NFKBID: variants seen among roughly 807,000 people sequenced by gnomAD.
NFKBID encodes NFKB inhibitor delta, also known as NF-kappa-B inhibitor delta.
A neutral mutation model predicts 53.4 loss-of-function variants in NFKBID; 26 were observed. The observed-to-expected ratio is 0.49, with a 90% CI of 0.36 to 0.68. NFKBID has a LOEUF of 0.68. NFKBID is among the 30% of genes least tolerant of loss of function. The pLI, the probability that NFKBID is intolerant of heterozygous loss-of-function variation, is 0.00. For synonymous variants in NFKBID, 262 were observed against 259.8 expected (o/e 1.01, Z -0.08); for missense variants, 493 against 614.1 (o/e 0.80, Z 2.08).
chr19:35,897,469 C>T (rs1975259795), intron 4 of NFKBID, 182 bp downstream of exon 4: 1 of 643,460 alleles, frequency 1.6e-6, no homozygotes, highest in East Asian at 2.6e-5. Flanking sequence ...GTCTCAAACG[C>T]CTGACCTCAA....
chr19:35,890,440 G>A lies in NFKBID; in HGVS notation c.1083C>T (p.Asn361=), dbSNP rs202034384. The change falls in exon 10 of 12, where the codon AAC becomes AAT. Residue 361 remains asparagine, a synonymous_variant. Transcript: ENST00000641389. ...CCAGCAGCAGCTGAACCAGAGTGGG[G>A]TTGGCAGCCTGCACGGCCAAGTGCA... The A allele has an allele frequency of 4.6e-5, 74 of 1,614,102 alleles. 1 individual carries two copies. The East Asian group carries it at 1.6e-3, about 36-fold the overall frequency.
intron 9 of NFKBID, among the ~76,000 whole-genome samples, chr19:35,895,656 T>C (rs1385419128): frequency 1.3e-5 from 2 of 151,360 alleles, no homozygotes; most frequent in Non-Finnish European, 2.9e-5. Context: ...ACAAAAAAAT[T>C]AGCCAGGCGT....
At chr19:35,895,895 C>T (rs1975105953) in intron 9 of NFKBID, 85 bp downstream of exon 9, 1 of 1,320,592 alleles carries the variant, frequency 7.6e-7, no homozygotes, top group African/African-American at 1.5e-5. Context: ...GAGGCAAAGT[C>T]AGCATTTGCC....
intron 9 of NFKBID, among the ~76,000 whole-genome samples, chr19:35,892,039 A>G (rs1444993732): frequency 6.6e-6 from 1 of 151,304 alleles, no homozygotes; most frequent in African/African-American, 2.4e-5. Flanking sequence ...AAGAGTTCTT[A>G]TCTTTTATTA....
At chr19:35,900,689 A>C, upstream of NFKBID, 1 of 1,199,230 alleles carries the variant, frequency 8.3e-7, no homozygotes, top group Non-Finnish European at 1.0e-6. Flanking sequence ...TGGGAGGCGG[A>C]CTACTCAGTC....
Position 35,897,074 on chromosome 19 carries a change from T to A in NFKBID, c.433-16A>T, listed in dbSNP as rs560975286. On this transcript the variant is annotated splice_polypyrimidine_tract_variant and intron_variant, in intron 4 of 11. Transcript: ENST00000641389. ...AGGGTCCAGCCTGTGGCAGAGAAGA[T>A]CCTACATAGAACTGGGTGTCTGGGG... The A allele has an allele frequency of 6.3e-7, 1 of 1,595,364 alleles. No homozygotes were observed. The highest frequency in any genetic ancestry group is 1.1e-5 in the South Asian group (1 of 88,792).
At chr19:35,890,341 A>T in intron 10 of NFKBID, 33 bp downstream of exon 10, 2 of 1,409,814 alleles carry the variant, frequency 1.4e-6, no homozygotes, top group Non-Finnish European at 2.0e-6. Flanking sequence ...ACCGTACCCC[A>T]CACAATCTGC....
rs923740725 is a variant in NFKBID at position 35,898,881 on chromosome 19, G to A, written c.62-59C>T. ...GGTCCTTAAGTCACCTAAATGCCGC[G>A]GGGGTGGCGCGCGGGGAGTGGGTTT... On this transcript the variant is annotated intron_variant, in intron 1 of 11. Coordinates refer to ENST00000641389, the Ensembl canonical transcript of NFKBID. The A allele has an allele frequency of 4.4e-6, 6 of 1,363,576 alleles. No individual in the cohort carries two copies. The African/African-American group carries it at 8.7e-5, about 20-fold the overall frequency. The allele number at this position is 1,363,576 out of a possible 1,614,324, so 84.5% of individuals were successfully genotyped here. A position where few individuals can be genotyped will look rare whatever the true frequency, so the allele number is the denominator to read the frequency against.
chr19:35,888,428 G>A, exon 12 of NFKBID: 4 of 696,862 alleles, frequency 5.7e-6, no homozygotes, highest in Non-Finnish European at 1.0e-5. Flanking sequence ...AGCCATTCTG[G>A]GGTTTTAATG....
chr19:35,900,793 A>ATTTCT (rs1306646250), upstream of NFKBID: 3 of 259,644 alleles, frequency 1.2e-5, no homozygotes, highest in Non-Finnish European at 2.1e-5. Context: ...GGGGGCCTGG[A>ATTTCT]TTTCTTTTCT....
chr19:35,901,542 C>T (rs144264045), upstream of NFKBID: 1,442 of 152,546 alleles, frequency 9.5e-3, 71 homozygotes, highest in Admixed American at 0.082. Flanking sequence ...ACCATGTTGG[C>T]CCTATTTCTC....
chr19:35,889,783 G>C, intron 11 of NFKBID, 107 bp downstream of exon 11: 3 of 1,210,438 alleles, frequency 2.5e-6, no homozygotes, highest in Admixed American at 2.2e-5. Flanking sequence ...GTCACCTTCC[G>C]AGATTAGAAG....
rs1047665405 is a variant in NFKBID, at chr19:35,898,521, G to C, written c.177C>G (p.Leu59=). Reference sequence around the variant, plus strand: ...GGGTCAGGGGCTGCTCTGGGGGAGGGAGAAATTGTCCCTGTAGAGACAAAA... The same window carrying C: ...GGGTCAGGGGCTGCTCTGGGGGAGGCAGAAATTGTCCCTGTAGAGACAAAA... The change falls in exon 3 of 12, where the codon CTC becomes CTG. Residue 59 remains leucine, a synonymous_variant. Coordinates refer to ENST00000641389, the Ensembl canonical transcript of NFKBID. 6 of 1,532,574 alleles carry C rather than the reference G, an allele frequency of 3.9e-6. No individual in the cohort carries two copies. In the African/African-American group the frequency reaches 4.1e-5, roughly 11 times the overall value. 94.9% of individuals were successfully genotyped at this position (1,532,574 alleles called of 1,614,324 possible). A position where few individuals can be genotyped will look rare whatever the true frequency, so the allele number is the denominator to read the frequency against.
rs183049589 is a variant in NFKBID at position 35,897,610 on chromosome 19, T to G, written c.432+41A>C. ...ACTGCAGGAGTGCAACTGCGAATTTTTAGGGGCCCTTCAGCATCCTGTACC... is the reference window on the plus strand; with the variant it reads ...ACTGCAGGAGTGCAACTGCGAATTTGTAGGGGCCCTTCAGCATCCTGTACC... On this transcript the variant is annotated intron_variant, in intron 4 of 11. Coordinates refer to ENST00000641389, the Ensembl canonical transcript of NFKBID. 282 of 1,023,234 alleles carry G rather than the reference T, an allele frequency of 2.8e-4. 3 individuals carry two copies. In the African/African-American group the frequency reaches 3.9e-3, roughly 14 times the overall value. The allele number at this position is 1,023,234 out of a possible 1,614,324, so 63.4% of individuals were successfully genotyped here. A position where few individuals can be genotyped will look rare whatever the true frequency, so the allele number is the denominator to read the frequency against.
At chr19:35,891,777 G>A (rs1171540130) in intron 9 of NFKBID, among the ~76,000 whole-genome samples, 1 of 152,016 alleles carries the variant, frequency 6.6e-6, no homozygotes, top group Non-Finnish European at 1.5e-5. Context: ...TGAGACACAG[G>A]AATAGCTTGA....
In NFKBID at chr19:35,895,527, C is replaced by T. The variant is rs545515697; in HGVS notation, c.1032+453G>A. Among the ~76,000 whole-genome samples the T allele has an allele frequency of 1.6e-4, 24 of 151,980 alleles. 1 individual carries two copies. In the East Asian group the frequency reaches 4.7e-3, roughly 29 times the overall value. ...AAACAAACAAAAAAACCCTGCTGGG[C>T]GCGGTGGCTCACGCCTGTAATCACA... On this transcript the variant is annotated intron_variant, in intron 9 of 11. Transcript: ENST00000641389.
rs1207875099 is a variant in NFKBID, at chr19:35,896,063, G to C, written c.949C>G (p.Pro317Ala). The C allele has an allele frequency of 6.2e-7, 1 of 1,614,058 alleles. No individual in the cohort carries two copies. Among genetic ancestry groups the C allele is most frequent in the Non-Finnish European group, 8.5e-7 (1 of 1,179,996 alleles). The change falls in exon 9 of 12, where the codon CCC becomes GCC. Residue 317 changes from proline to alanine, a missense_variant. Pro to Ala is a conservative substitution (Grantham distance 27). This residue lies in a region of NFKBID where 267 missense variants were observed against 384.6 expected (regional missense o/e 0.69). Transcript: ENST00000641389. This position sits in a 1 kb window ranked among gnomAD's most constrained non-coding sequence, Gnocchi z 5.7. The stretch of plus-strand genomic sequence containing the variant: ...CGGGCCTGTGTGCTCAGCACCCGGG[G>C]ACAGAGGTCGGAAGGGCGCATAGCA...
At chr19:35,897,934 C>T (rs1167705081) in intron 3 of NFKBID, 78 bp from the exon 4 acceptor site, 6 of 993,274 alleles carry the variant, frequency 6.0e-6, no homozygotes, top group East Asian at 2.6e-5. Flanking sequence ...GAGGGCCTGG[C>T]GTCTCCCAAG....
upstream of NFKBID, among the ~76,000 whole-genome samples, chr19:35,900,819 TTTC>T (rs1490643696): frequency 1.0e-4 from 14 of 140,288 alleles, no homozygotes; most frequent in East Asian, 8.4e-4. Context: ...TTTTCTTTTT[TTTC>T]TTTTCTTTTT....
Sources: allele counts gnomAD v4.1 joint callset (sites outside exome capture counted in the v4.1 genomes callset), GRCh38; gene constraint gnomAD v4.1.1; regional missense constraint gnomAD v4.1.1; non-coding constraint Gnocchi (gnomAD v3.1); transcripts MANE v1.5; gene names NCBI Gene and HGNC (gene_info 2026-07-23, HGNC 2026-07-21).